Variants in ZNF292 observed in about 807,000 individuals in gnomAD.
ZNF292 encodes the protein zinc finger protein 292.
In ZNF292, 26 loss-of-function variants were observed where a neutral mutation model predicts 217.9. That is an observed-to-expected ratio of 0.12 (90% CI 0.09 to 0.17). The LOEUF (loss-of-function observed/expected upper bound fraction) is 0.17. Ranked by LOEUF, ZNF292 falls within the 10% of genes least tolerant of loss-of-function variation. The pLI, the probability that ZNF292 is intolerant of heterozygous loss-of-function variation, is 1.00. For missense variants in ZNF292, 2,904 were observed against 3,175.2 expected (o/e 0.91, Z 2.05); for synonymous variants, 1,257 against 1,124.1 (o/e 1.12, Z -2.37).
Position 87,264,270 on chromosome 6 carries a change from AG to A in ZNF292, c.*2471del, listed in dbSNP as rs1408894455. 2.6e-5 allele frequency: 4 copies of A among 152,216 alleles called. No individual in the cohort carries two copies. Among genetic ancestry groups the A allele is most frequent in the Non-Finnish European group, 5.9e-5 (4 of 68,040 alleles). The allele number at this position is 152,216 out of a possible 1,614,324, so 9.4% of individuals were successfully genotyped here. ...TGCTAAAGTTTCATCACTAAAAAGTAGGAGTTTTTCCTCTTCTGAACCCGCA... is the reference window on the plus strand; with the variant it reads ...TGCTAAAGTTTCATCACTAAAAAGTAGAGTTTTTCCTCTTCTGAACCCGCA... On this transcript the variant is annotated 3_prime_UTR_variant, in exon 8 of 8. Coordinates refer to ENST00000369577, the MANE Select transcript of ZNF292 (RefSeq NM_015021.3).
At chr6:87,218,392 A>G (rs1288287941) in intron 3 of ZNF292, among the ~76,000 whole-genome samples, 2 of 152,158 alleles carry the variant, frequency 1.3e-5, no homozygotes, top group Non-Finnish European at 2.9e-5. Context: ...TAAATACATT[A>G]TATTTATTTA....
At chr6:87,207,668 A>G (rs1193767702) in intron 1 of ZNF292, among the ~76,000 whole-genome samples, 2 of 152,154 alleles carry the variant, frequency 1.3e-5, no homozygotes, top group Non-Finnish European at 2.9e-5. Context: ...CAGTTTCTCC[A>G]GACGTAAATT....
At chr6:87,158,476 G>A (rs774444915) in intron 1 of ZNF292, among the ~76,000 whole-genome samples, 3 of 151,946 alleles carry the variant, frequency 2.0e-5, no homozygotes, top group East Asian at 1.9e-4. Context: ...GCAGCATGGC[G>A]TGGCCCCTTC....
At chr6:87,169,878 G>T in intron 1 of ZNF292, 1 of 198,598 alleles carries the variant, frequency 5.0e-6, no homozygotes, top group Non-Finnish European at 1.1e-5. Context: ...GATCTCCTGG[G>T]CTCAAGCAAT....
rs560655562 is a variant in ZNF292, at chr6:87,220,697, ATTTCT to A, written c.538+1969_538+1973del. ...TTTATTTGAAAAGATAATGTGCTTGATTTCTTTACTTGTTTGAATGTGCCTAACAT... is the reference window on the plus strand; with the variant it reads ...TTTATTTGAAAAGATAATGTGCTTGATTACTTGTTTGAATGTGCCTAACAT... On this transcript the variant is annotated intron_variant, in intron 4 of 7. Coordinates refer to ENST00000369577, the MANE Select transcript of ZNF292 (RefSeq NM_015021.3). Among the ~76,000 whole-genome samples the A allele has an allele frequency of 1.8e-3, 277 of 152,312 alleles. 3 individuals carry two copies. Among genetic ancestry groups the A allele is most frequent in the Middle Eastern group, 0.014 (4 of 294 alleles).
At chr6:87,158,830 T>TA in intron 1 of ZNF292, among the ~76,000 whole-genome samples, 2 of 152,360 alleles carry the variant, frequency 1.3e-5, no homozygotes, top group Middle Eastern at 6.8e-3. Flanking sequence ...AATTATGTCT[T>TA]AGTTTCTAAC....
chr6:87,247,765 A>G (rs901417681), intron 7 of ZNF292, among the ~76,000 whole-genome samples: 2 of 152,230 alleles, frequency 1.3e-5, no homozygotes, highest in Non-Finnish European at 2.9e-5. Context: ...TTTAAATAAT[A>G]TAATTATGGA....
chr6:87,227,666 A>G (rs1023222888), intron 4 of ZNF292, among the ~76,000 whole-genome samples: 4 of 152,146 alleles, frequency 2.6e-5, no homozygotes, highest in Middle Eastern at 3.2e-3. Context: ...TACTTTAGAT[A>G]CCTTATATAA....
At chr6:87,181,945 A>G (rs1445162003) in intron 1 of ZNF292, among the ~76,000 whole-genome samples, 1 of 151,992 alleles carries the variant, frequency 6.6e-6, no homozygotes, top group East Asian at 1.9e-4. Flanking sequence ...CGGCCTCCCA[A>G]AGTGCTGAGA....
At position 87,260,347 on chromosome 6, in the gene ZNF292, G is replaced by A. The variant is rs1219315022; in HGVS notation, c.6718G>A (p.Asp2240Asn). ...YLNYVVHLEA[D>N]HGIGLRASKT... ...GAACTATGTTGTTCATCTAGAGGCA[G>A]ACCACGGGATTGGACTAAGGGCAAG... is the stretch of plus-strand genomic sequence containing the variant. Residue 2240 changes from aspartate to asparagine, a missense_variant, in exon 8 of 8, where the codon GAC becomes AAC. By Grantham distance (23) the Asp-to-Asn change is conservative. This residue lies in a region of ZNF292 where 55 missense variants were observed against 99.8 expected (regional missense o/e 0.55). Coordinates refer to ENST00000369577, the MANE Select transcript of ZNF292 (RefSeq NM_015021.3). 1 of 1,613,362 alleles carries A rather than the reference G, an allele frequency of 6.2e-7. No homozygotes were observed. The highest frequency in any genetic ancestry group is 1.1e-5 in the South Asian group (1 of 91,044).
chr6:87,177,402 G>A (rs202170405), intron 1 of ZNF292, among the ~76,000 whole-genome samples: 3 of 151,718 alleles, frequency 2.0e-5, no homozygotes, highest in East Asian at 3.9e-4. Flanking sequence ...CAGTTACCAA[G>A]TTTTGTCAAT....
chr6:87,249,033 T>C (rs151323833), intron 7 of ZNF292, among the ~76,000 whole-genome samples: 5 of 152,328 alleles, frequency 3.3e-5, no homozygotes, highest in African/African-American at 2.4e-5. Flanking sequence ...CCAGAGAGTT[T>C]GGGTTCAGAA....
chr6:87,257,582 C>T lies in ZNF292; in HGVS notation c.3953C>T (p.Ala1318Val), dbSNP rs1269599747. 1 of 1,606,342 alleles carries T rather than the reference C, an allele frequency of 6.2e-7. No homozygotes were observed. Among genetic ancestry groups the T allele is most frequent in the East Asian group, 2.2e-5 (1 of 44,766 alleles). The change falls in exon 8 of 8, where the codon GCA becomes GTA. Residue 1318 changes from alanine (A) to valine (V), a missense_variant. Around this residue, in one of 15 missense-constraint regions of ZNF292, gnomAD observed 687 missense variants for 623.0 expected, o/e 1.10. Transcript: ENST00000369577. Reference sequence around the variant, plus strand: ...CTAAAGGGGGGTAATGGTGAAAATGCAGTTTTTCCTTCACAAGTGAATGTT... The same window carrying T: ...CTAAAGGGGGGTAATGGTGAAAATGTAGTTTTTCCTTCACAAGTGAATGTT... ...SFLKGGNGEN[A>V]VFPSQVNVAN...
intron 3 of ZNF292, among the ~76,000 whole-genome samples, chr6:87,217,175 T>C (rs988515857): frequency 4.6e-5 from 7 of 152,170 alleles, no homozygotes; most frequent in African/African-American, 1.2e-4. Context: ...GTAAGAAATA[T>C]ATTAAAGAGG....
intron 4 of ZNF292, among the ~76,000 whole-genome samples, chr6:87,220,159 T>A (rs1773009568): frequency 6.8e-6 from 1 of 147,184 alleles, no homozygotes; most frequent in Admixed American, 6.7e-5. Flanking sequence ...GAATCTTAGA[T>A]TTTTTTTTTT....
At chr6:87,198,832 T>C (rs1772032476) in intron 1 of ZNF292, among the ~76,000 whole-genome samples, 1 of 152,234 alleles carries the variant, frequency 6.6e-6, no homozygotes, top group Non-Finnish European at 1.5e-5. Flanking sequence ...GGATAAAAGC[T>C]ATCAAATATT....
At chr6:87,215,427 A>G (rs72916545) in intron 1 of ZNF292, among the ~76,000 whole-genome samples, 2,258 of 152,204 alleles carry the variant, frequency 0.015, 35 homozygotes, top group Non-Finnish European at 0.022. Flanking sequence ...ATTAATTTGT[A>G]TGTACTGTTA....
chr6:87,209,104 A>ACCC lies in ZNF292; in HGVS notation c.169-6793_169-6791dup, dbSNP rs5878022. Among the ~76,000 whole-genome samples the ACCC allele has an allele frequency of 2.8e-3, 390 of 137,246 alleles. 22 individuals carry two copies. Among genetic ancestry groups the ACCC allele is most frequent in the African/African-American group, 7.1e-3 (239 of 33,522 alleles). 90.0% of individuals were successfully genotyped at this position (137,246 alleles called of 152,430 possible). Reference sequence around the variant, plus strand: ...TTATCTCATTTTTAGCCCCACTTTCACCCCCCCCTCCCCATTTTCAGAGGC... The same window carrying ACCC: ...TTATCTCATTTTTAGCCCCACTTTCACCCCCCCCCCCTCCCCATTTTCAGAGGC... On this transcript the variant is annotated intron_variant, in intron 1 of 7. Transcript: ENST00000369577.
chr6:87,244,224 A>G (rs1010780696), intron 6 of ZNF292, among the ~76,000 whole-genome samples: 3 of 152,220 alleles, frequency 2.0e-5, no homozygotes, highest in African/African-American at 4.8e-5. Flanking sequence ...GCCAAGGTAA[A>G]TCAATGGTTG....
Sources: gnomAD v4.1 joint callset for allele counts (sites outside exome capture counted in the v4.1 genomes callset) on GRCh38, gnomAD v4.1.1 for gene constraint, gnomAD v4.1.1 regional missense constraint, MANE v1.5 for transcripts, NCBI Gene and HGNC (gene_info 2026-07-23, HGNC 2026-07-21) for gene names.